Variants in CADPS observed in about 807,000 individuals in gnomAD.
CADPS encodes calcium dependent secretion activator, also known as calcium-dependent secretion activator 1.
Under a neutral mutation model 167.3 loss-of-function variants are expected in CADPS, and 57 were observed. The observed-to-expected ratio is 0.34, with a 90% confidence interval of 0.28 to 0.42. The LOEUF (loss-of-function observed/expected upper bound fraction) is 0.42. CADPS is among the 20% of genes least tolerant of loss of function. The probability of loss-of-function intolerance (pLI) is 1.00; values close to 1 mark genes in which losing one functional copy is unlikely to be tolerated. For synonymous variants in CADPS, 676 were observed against 635.3 expected (o/e 1.06, Z -0.96); for missense variants, 1,414 against 1,738.1 (o/e 0.81, Z 3.32).
At chr3:62,638,840 G>T (rs1249919008) in intron 6 of CADPS, among the ~76,000 whole-genome samples, 1 of 152,128 alleles carries the variant, frequency 6.6e-6, no homozygotes. Flanking sequence ...TAGAATTGTT[G>T]AGGTAGAAGG....
chr3:62,819,321 C>G (rs956652025), intron 1 of CADPS, among the ~76,000 whole-genome samples: 1 of 151,870 alleles, frequency 6.6e-6, no homozygotes, highest in African/African-American at 2.4e-5. Flanking sequence ...TTTTTTGCTA[C>G]AATCCCAAGG....
chr3:62,497,826 TA>T (rs2065072458), intron 18 of CADPS, among the ~76,000 whole-genome samples: 1 of 152,194 alleles, frequency 6.6e-6, no homozygotes, highest in Non-Finnish European at 1.5e-5. Context: ...GTAATAAAGG[TA>T]AGTACAGACA....
intron 6 of CADPS, among the ~76,000 whole-genome samples, chr3:62,611,417 C>T (rs1330635419): frequency 1.3e-5 from 2 of 152,322 alleles, no homozygotes; most frequent in African/African-American, 4.8e-5. Context: ...TGATTTATTG[C>T]AATGGCCTTC....
At chr3:62,717,837 T>A (rs2151924080) in intron 3 of CADPS, among the ~76,000 whole-genome samples, 1 of 152,312 alleles carries the variant, frequency 6.6e-6, no homozygotes, top group East Asian at 1.9e-4. Context: ...ACTACCTGAT[T>A]GACCCCATTA....
chr3:62,518,190 C>T lies in CADPS; in HGVS notation c.2352G>A (p.Glu784=). Residue 784 remains glutamate (E), a synonymous_variant, in exon 14 of 30, where the codon GAG becomes GAA. Coordinates refer to ENST00000383710, the MANE Select transcript of CADPS (RefSeq NM_003716.4). ...GATTTTCTAGCAGAACTCGGAGCCT[C>T]TCTTTGATTTCTTCAAAACGTTCCT... The part of the protein sequence containing the change: ...EEKERFEEIK[E]RLRVLLENQI... 6.2e-7 allele frequency: 1 copy of T among 1,612,954 alleles called. No homozygotes were observed. The highest frequency in any genetic ancestry group is 8.5e-7 in the Non-Finnish European group (1 of 1,179,508).
At chr3:62,537,142 AC>A (rs1386336951) in intron 11 of CADPS, among the ~76,000 whole-genome samples, 3 of 152,172 alleles carry the variant, frequency 2.0e-5, no homozygotes, top group South Asian at 2.1e-4. Context: ...AATAAAAAAA[AC>A]GATTTTCATT....
intron 8 of CADPS, among the ~76,000 whole-genome samples, chr3:62,578,748 C>T (rs974956619): frequency 1.3e-5 from 2 of 152,100 alleles, no homozygotes; most frequent in African/African-American, 4.8e-5. Context: ...AGCTTGAGAG[C>T]TTCCTCTAAA....
intron 26 of CADPS, among the ~76,000 whole-genome samples, chr3:62,461,623 T>TCCTG (rs2059360358): frequency 6.6e-6 from 1 of 152,214 alleles, no homozygotes; most frequent in Non-Finnish European, 1.5e-5. Flanking sequence ...CTAATGCAGC[T>TCCTG]GCTATTTTGT....
rs2083285164 is a variant in CADPS at position 62,874,481 on chromosome 3, C to T, written c.441+108G>A. 1 of 867,902 alleles carries T rather than the reference C, an allele frequency of 1.2e-6. No homozygotes were observed. Among genetic ancestry groups the T allele is most frequent in the Admixed American group, 2.2e-5 (1 of 44,856 alleles). The allele number at this position is 867,902 out of a possible 1,614,324, so 53.8% of individuals were successfully genotyped here. On this transcript the variant is annotated intron_variant, in intron 1 of 29. Transcript: ENST00000383710. The surrounding 1 kb of genome is among the most constrained non-coding windows in gnomAD (Gnocchi z 7.1). ...TAGCCCTTTCCCCAGGGCGCGGTCTCCACCTCTCCTGCTCCTCCTCGCCAG... is the reference window on the plus strand; with the variant it reads ...TAGCCCTTTCCCCAGGGCGCGGTCTTCACCTCTCCTGCTCCTCCTCGCCAG...
At chr3:62,736,273 T>C (rs115718293) in intron 3 of CADPS, among the ~76,000 whole-genome samples, 300 of 152,250 alleles carry the variant, frequency 2.0e-3, no homozygotes, top group African/African-American at 7.2e-3. Flanking sequence ...AAATCTAAAT[T>C]AGCATGAAGA....
intron 3 of CADPS, among the ~76,000 whole-genome samples, chr3:62,698,678 T>C (rs2080815437): frequency 6.7e-6 from 1 of 149,902 alleles, no homozygotes; most frequent in South Asian, 2.2e-4. Flanking sequence ...CTCCTCCTCC[T>C]TCTCCTTCAC....
At position 62,550,088 on chromosome 3, in the gene CADPS, T is replaced by C; in HGVS notation, c.1781A>G (p.Asn594Ser). ...CACGGTGTCTCCCTCCTTGACAGCA[T>C]TGAAGAAGGCTCGGCCACCCTCCAA... ...PGLEGGRAFF[N>S]AVKEGDTVIF... The change falls in exon 11 of 30, where the codon AAT becomes AGT. Residue 594 changes from asparagine to serine, a missense_variant. Around this residue, in one of 6 missense-constraint regions of CADPS, gnomAD observed 157 missense variants for 229.4 expected, o/e 0.68. Coordinates refer to ENST00000383710, the MANE Select transcript of CADPS (RefSeq NM_003716.4). The C allele has an allele frequency of 6.2e-7, 1 of 1,613,984 alleles. No individual in the cohort carries two copies. Among genetic ancestry groups the C allele is most frequent in the Non-Finnish European group, 8.5e-7 (1 of 1,179,948 alleles).
intron 26 of CADPS, among the ~76,000 whole-genome samples, chr3:62,453,129 T>A (rs538130079): frequency 1.3e-5 from 2 of 152,154 alleles, no homozygotes; most frequent in African/African-American, 4.8e-5. Flanking sequence ...TGAGACCCTA[T>A]CTCTAAATAA....
intron 13 of CADPS, among the ~76,000 whole-genome samples, chr3:62,518,863 C>T (rs1225448868): frequency 6.6e-6 from 1 of 152,046 alleles, no homozygotes; most frequent in African/African-American, 2.4e-5. Context: ...CTATAACTAC[C>T]GATGTTCAGA....
At chr3:62,711,175 T>C (rs1190786376) in intron 3 of CADPS, among the ~76,000 whole-genome samples, 2 of 151,960 alleles carry the variant, frequency 1.3e-5, no homozygotes, top group East Asian at 3.8e-4. Context: ...ATTCTATTGA[T>C]ATACATATAT....
At chr3:62,570,489 C>T (rs2081084422) in intron 9 of CADPS, among the ~76,000 whole-genome samples, 1 of 152,130 alleles carries the variant, frequency 6.6e-6, no homozygotes. Context: ...AGTTAATGTC[C>T]CTATAGCCCT....
chr3:62,644,580 G>C (rs187258586), intron 6 of CADPS, among the ~76,000 whole-genome samples: 1 of 152,058 alleles, frequency 6.6e-6, no homozygotes, highest in Non-Finnish European at 1.5e-5. Context: ...CTTCCTCATG[G>C]TATGGCCCTG....
At chr3:62,723,363 C>T (rs1175823623) in intron 3 of CADPS, among the ~76,000 whole-genome samples, 2 of 152,118 alleles carry the variant, frequency 1.3e-5, no homozygotes, top group Non-Finnish European at 2.9e-5. Context: ...TCCAGTTCAG[C>T]GGACCCTGAT....
At chr3:62,861,287 G>A (rs150473719) in intron 1 of CADPS, among the ~76,000 whole-genome samples, 8 of 152,096 alleles carry the variant, frequency 5.3e-5, no homozygotes, top group South Asian at 4.1e-4. Flanking sequence ...TCAGAATATC[G>A]GTCACTGAAA....
Sources: allele counts gnomAD v4.1 joint callset (sites outside exome capture counted in the v4.1 genomes callset), GRCh38; gene constraint gnomAD v4.1.1; regional missense constraint gnomAD v4.1.1; non-coding constraint Gnocchi (gnomAD v3.1); transcripts MANE v1.5; gene names NCBI Gene and HGNC (gene_info 2026-07-23, HGNC 2026-07-21).